TOX: variants seen among roughly 807,000 people sequenced by gnomAD.
The protein encoded by TOX is thymocyte selection associated high mobility group box.
Under a neutral mutation model 53.7 loss-of-function variants are expected in TOX, and 11 were observed. That is an observed-to-expected ratio of 0.20 (90% CI 0.13 to 0.34). TOX has a LOEUF of 0.34. Ranked by LOEUF, TOX falls within the 10% of genes least tolerant of loss-of-function variation. The probability of loss-of-function intolerance (pLI) is 1.00; values close to 1 mark genes in which losing one functional copy is unlikely to be tolerated. For synonymous variants in TOX, 225 were observed against 245.3 expected (o/e 0.92, Z 0.77); for missense variants, 570 against 664.6 (o/e 0.86, Z 1.56).
chr8:58,809,427 C>T (rs1157382173), intron 7 of TOX, among the ~76,000 whole-genome samples: 1 of 152,150 alleles, frequency 6.6e-6, no homozygotes, highest in Non-Finnish European at 1.5e-5. Context: ...GCACCTATTA[C>T]CAAATATTCT....
rs116155517 is a variant in TOX, at chr8:58,909,409, C to T, written c.411+29893G>A. Among the ~76,000 whole-genome samples the T allele has an allele frequency of 8.5e-3, 1,297 of 152,088 alleles. 11 individuals are homozygous for T. The highest frequency in any genetic ancestry group is 0.03 in the African/African-American group (1,231 of 41,494). On this transcript the variant is annotated intron_variant, in intron 3 of 8. Coordinates refer to ENST00000361421, the MANE Select transcript of TOX (RefSeq NM_014729.3). Reference sequence around the variant, plus strand: ...TAAATAAAAATACAGAATCTCAGCCCCCATCCTGTACATGCTGAATCAGAA... The same window carrying T: ...TAAATAAAAATACAGAATCTCAGCCTCCATCCTGTACATGCTGAATCAGAA...
At chr8:58,849,334 C>T (rs1810769876) in intron 4 of TOX, among the ~76,000 whole-genome samples, 1 of 152,138 alleles carries the variant, frequency 6.6e-6, no homozygotes, top group Non-Finnish European at 1.5e-5. Context: ...CCTAAACTTT[C>T]CTGCATTGAT....
chr8:58,842,057 G>T (rs1460932259), intron 4 of TOX, among the ~76,000 whole-genome samples: 1 of 152,130 alleles, frequency 6.6e-6, no homozygotes, highest in Non-Finnish European at 1.5e-5. Context: ...CTTATTAAAA[G>T]ATTTCCCCAC....
intron 1 of TOX, among the ~76,000 whole-genome samples, chr8:59,080,302 T>G (rs1433459373): frequency 6.6e-6 from 1 of 152,094 alleles, no homozygotes; most frequent in South Asian, 2.1e-4. Context: ...CTTTTGTCAA[T>G]TTCTCCCTTT....
intron 1 of TOX, chr8:58,992,936 C>G (rs1243474958): frequency 6.6e-6 from 1 of 152,144 alleles, no homozygotes; most frequent in Non-Finnish European, 1.5e-5. Flanking sequence ...AGGATGAGCT[C>G]TCCCTGGATA....
Position 58,860,001 on chromosome 8 carries a change from C to T in TOX, c.412-8196G>A, listed in dbSNP as rs555279915. ...CCTCTGCAGAACTCCACTGCAATTG[C>T]TGCCACATCCAGCAGATCCAGAAAG... On this transcript the variant is annotated intron_variant, in intron 3 of 8. Coordinates refer to ENST00000361421, the MANE Select transcript of TOX (RefSeq NM_014729.3). Among the ~76,000 whole-genome samples the T allele has an allele frequency of 3.3e-5, 5 of 152,308 alleles. No homozygotes were observed. In the South Asian group the frequency reaches 8.3e-4, roughly 25 times the overall value.
chr8:59,051,960 G>A (rs78890244), intron 1 of TOX, among the ~76,000 whole-genome samples: 1,962 of 152,220 alleles, frequency 0.013, 20 homozygotes, highest in Middle Eastern at 0.051. Context: ...GTGTTTGCCC[G>A]AAGTTTTGAC....
chr8:59,035,269 C>A (rs888251884), intron 1 of TOX, among the ~76,000 whole-genome samples: 1 of 152,188 alleles, frequency 6.6e-6, no homozygotes, highest in Non-Finnish European at 1.5e-5. Flanking sequence ...TATTGCTAAG[C>A]AACATAAATG....
At chr8:58,876,425 T>C (rs1164786512) in intron 3 of TOX, among the ~76,000 whole-genome samples, 1 of 151,920 alleles carries the variant, frequency 6.6e-6, no homozygotes, top group Non-Finnish European at 1.5e-5. Context: ...TTTTACGCAT[T>C]CATTAATTTG....
intron 1 of TOX, among the ~76,000 whole-genome samples, chr8:59,007,220 TC>T (rs945797497): frequency 7.6e-5 from 7 of 92,544 alleles, no homozygotes; most frequent in African/African-American, 1.8e-4. Flanking sequence ...GGGGCTGTCA[TC>T]TTTTTTTTTT....
chr8:59,051,068 A>G (rs1258776533), intron 1 of TOX, among the ~76,000 whole-genome samples: 1 of 152,190 alleles, frequency 6.6e-6, no homozygotes. Flanking sequence ...GGTTGATTTT[A>G]GATGACTTCC....
intron 5 of TOX, among the ~76,000 whole-genome samples, chr8:58,833,174 T>C (rs1279819655): frequency 2.6e-5 from 4 of 152,260 alleles, no homozygotes; most frequent in African/African-American, 9.6e-5. Flanking sequence ...TAATGTAATG[T>C]AAACAAGAAC....
At chr8:58,989,183 G>A (rs1813392669) in intron 1 of TOX, among the ~76,000 whole-genome samples, 1 of 152,070 alleles carries the variant, frequency 6.6e-6, no homozygotes, top group African/African-American at 2.4e-5. Context: ...GGGTGTGGTG[G>A]CATGCACCTG....
chr8:58,867,660 C>G (rs141026369), intron 3 of TOX, among the ~76,000 whole-genome samples: 4 of 152,304 alleles, frequency 2.6e-5, no homozygotes, highest in Admixed American at 1.3e-4. Flanking sequence ...TTCAGAAGTT[C>G]TGAGGAGGGG....
At chr8:58,928,630 C>CTA (rs35867322) in intron 3 of TOX, among the ~76,000 whole-genome samples, 37,067 of 150,006 alleles carry the variant, frequency 0.25, 4,819 homozygotes, top group African/African-American at 0.32. Context: ...TTTTCAAGCA[C>CTA]TATATATATA....
chr8:58,927,549 C>T (rs7815098), intron 3 of TOX, among the ~76,000 whole-genome samples: 13,582 of 152,088 alleles, frequency 0.089, 714 homozygotes, highest in South Asian at 0.19. Context: ...CTGGTGTGAT[C>T]GTGGGGATGA....
At chr8:58,986,279 T>C (rs914284937) in intron 1 of TOX, among the ~76,000 whole-genome samples, 12 of 152,182 alleles carry the variant, frequency 7.9e-5, no homozygotes, top group African/African-American at 2.9e-4. Flanking sequence ...TGTCTCATGG[T>C]AGCTACTGAA....
intron 1 of TOX, among the ~76,000 whole-genome samples, chr8:58,986,545 C>T (rs1813331533): frequency 6.6e-6 from 1 of 152,134 alleles, no homozygotes; most frequent in African/African-American, 2.4e-5. Flanking sequence ...ATTATGTATC[C>T]TATTTTATTT....
chr8:59,079,867 C>A (rs1266811187), intron 1 of TOX, among the ~76,000 whole-genome samples: 2 of 152,236 alleles, frequency 1.3e-5, no homozygotes, highest in Non-Finnish European at 2.9e-5. Flanking sequence ...GTGAGAGCAG[C>A]CTCAGGGGCT....
Sources: gnomAD v4.1 joint callset for allele counts (sites outside exome capture counted in the v4.1 genomes callset) on GRCh38, gnomAD v4.1.1 for gene constraint, MANE v1.5 for transcripts, NCBI Gene and HGNC (gene_info 2026-07-23, HGNC 2026-07-21) for gene names.